HS3ST4: variants seen among roughly 807,000 people sequenced by gnomAD.
The protein encoded by HS3ST4 is heparan sulfate glucosamine 3-O-sulfotransferase 4.
HS3ST4 carries 17 observed loss-of-function variants against 29.2 expected under a neutral mutation model. That is an observed-to-expected ratio of 0.58 (90% CI 0.40 to 0.87). HS3ST4 has a LOEUF of 0.87. Ranked by LOEUF, HS3ST4 falls within the 40% of genes least tolerant of loss-of-function variation. The pLI, the probability that HS3ST4 is intolerant of heterozygous loss-of-function variation, is 0.00. For missense variants in HS3ST4, 627 were observed against 634.5 expected, an observed-to-expected ratio of 0.99 and a Z score of 0.13; for synonymous variants, 314 against 285.7, an observed-to-expected ratio of 1.10 and a Z score of -1.00.
intron 1 of HS3ST4, among the ~76,000 whole-genome samples, chr16:25,949,895 A>G (rs374252363): frequency 6.6e-6 from 1 of 152,148 alleles, no homozygotes; most frequent in South Asian, 2.1e-4. Flanking sequence ...CTACTAAAAA[A>G]TGGGTCCCAG....
chr16:25,783,750 C>T (rs981645059), intron 1 of HS3ST4, among the ~76,000 whole-genome samples: 3 of 152,272 alleles, frequency 2.0e-5, no homozygotes, highest in Non-Finnish European at 2.9e-5. Flanking sequence ...GGCACAGTCA[C>T]GATGCAACCA....
At chr16:26,133,699 A>C (rs1437335267) in intron 1 of HS3ST4, among the ~76,000 whole-genome samples, 1 of 152,250 alleles carries the variant, frequency 6.6e-6, no homozygotes, top group African/African-American at 2.4e-5. Context: ...TTATTGACAG[A>C]GCATGTGAAT....
At chr16:25,788,422 A>AG (rs1159791691) in intron 1 of HS3ST4, among the ~76,000 whole-genome samples, 1 of 151,618 alleles carries the variant, frequency 6.6e-6, no homozygotes, top group Non-Finnish European at 1.5e-5. Flanking sequence ...TCTCAAAAAA[A>AG]AAAAAATGCC....
intron 1 of HS3ST4, among the ~76,000 whole-genome samples, chr16:25,960,738 G>C (rs1049523338): frequency 6.6e-6 from 1 of 152,222 alleles, no homozygotes; most frequent in Non-Finnish European, 1.5e-5. Flanking sequence ...TTAGCAAAAT[G>C]TAGAGTTTCT....
chr16:26,050,025 G>A (rs1898320874), intron 1 of HS3ST4, among the ~76,000 whole-genome samples: 2 of 152,112 alleles, frequency 1.3e-5, no homozygotes, highest in Non-Finnish European at 2.9e-5. Context: ...TTTAAAAGAG[G>A]CTGTATTATG....
In HS3ST4 at chr16:25,692,780, C is replaced by T; in HGVS notation, c.363C>T (p.Pro121=). The change falls in exon 1 of 2, where the codon CCC becomes CCT. Residue 121 remains proline (P), a synonymous_variant. Transcript: ENST00000331351. The stretch of plus-strand genomic sequence containing the variant: ...AGCCCCCAGAGCAGCCAGCCGCCCC[C>T]GGGACCGACGGCTGGGGGCTGCCGA... ...PPEPPEQPAA[P]GTDGWGLPSG... is the part of the protein sequence containing the mutation. 1 of 1,363,544 alleles carries T rather than the reference C, an allele frequency of 7.3e-7. No individual in the cohort carries two copies. The highest frequency in any genetic ancestry group is 9.4e-7 in the Non-Finnish European group (1 of 1,068,544). The allele number at this position is 1,363,544 out of a possible 1,614,324, so 84.5% of individuals were successfully genotyped here.
chr16:25,880,306 C>T (rs1023731518), intron 1 of HS3ST4, among the ~76,000 whole-genome samples: 1 of 152,060 alleles, frequency 6.6e-6, no homozygotes, highest in Non-Finnish European at 1.5e-5. Flanking sequence ...CATTTAGTGT[C>T]CCTCCCAGAG....
At chr16:26,016,687 G>C (rs553826852) in intron 1 of HS3ST4, among the ~76,000 whole-genome samples, 1 of 152,290 alleles carries the variant, frequency 6.6e-6, no homozygotes, top group Non-Finnish European at 1.5e-5. Flanking sequence ...GGAAGATATA[G>C]CAAGTCTCCT....
intron 1 of HS3ST4, among the ~76,000 whole-genome samples, chr16:25,893,754 A>G (rs954521427): frequency 6.6e-6 from 1 of 152,218 alleles, no homozygotes; most frequent in Non-Finnish European, 1.5e-5. Flanking sequence ...TGTGGGGTCC[A>G]CTTAACAAAC....
At chr16:25,799,454 T>G (rs1966910454) in intron 1 of HS3ST4, among the ~76,000 whole-genome samples, 1 of 152,236 alleles carries the variant, frequency 6.6e-6, no homozygotes. Flanking sequence ...AAACAAAATT[T>G]AAATTACCTT....
intron 1 of HS3ST4, among the ~76,000 whole-genome samples, chr16:25,929,137 A>G (rs1968439175): frequency 6.6e-6 from 1 of 152,172 alleles, no homozygotes; most frequent in South Asian, 2.1e-4. Context: ...TAATCCCAGC[A>G]GTTTGGGAGG....
chr16:26,081,668 A>G (rs557491091), intron 1 of HS3ST4, among the ~76,000 whole-genome samples: 2 of 152,226 alleles, frequency 1.3e-5, no homozygotes, highest in African/African-American at 4.8e-5. Flanking sequence ...CAGGTGAAGA[A>G]ATAAGAATGT....
At chr16:25,998,406 A>T (rs1480098143) in intron 1 of HS3ST4, among the ~76,000 whole-genome samples, 3 of 152,204 alleles carry the variant, frequency 2.0e-5, no homozygotes, top group East Asian at 3.8e-4. Flanking sequence ...GGATTGCTTC[A>T]CATTTTTGCT....
chr16:26,070,811 T>C (rs1386327910), intron 1 of HS3ST4, among the ~76,000 whole-genome samples: 1 of 152,214 alleles, frequency 6.6e-6, no homozygotes, highest in Non-Finnish European at 1.5e-5. Flanking sequence ...TGTTGGAACC[T>C]TGGTTGTTAT....
chr16:25,952,262 C>T (rs1968689783), intron 1 of HS3ST4, among the ~76,000 whole-genome samples: 1 of 152,146 alleles, frequency 6.6e-6, no homozygotes, highest in Admixed American at 6.5e-5. Context: ...ATGGGTCATT[C>T]AGTGTAAGTA....
At chr16:26,088,237 G>A (rs2141787484) in intron 1 of HS3ST4, among the ~76,000 whole-genome samples, 1 of 152,316 alleles carries the variant, frequency 6.6e-6, no homozygotes, top group African/African-American at 2.4e-5. Context: ...TCATCATTCA[G>A]ATCTCAGTTC....
chr16:25,981,609 CTTT>C (rs376892231), intron 1 of HS3ST4, among the ~76,000 whole-genome samples: 1 of 136,818 alleles, frequency 7.3e-6, no homozygotes, highest in African/African-American at 2.7e-5. Flanking sequence ...TGGTGGAGTT[CTTT>C]TTTTTTTTTT....
At chr16:25,838,325 TC>T (rs1318237287) in intron 1 of HS3ST4, among the ~76,000 whole-genome samples, 27 of 152,348 alleles carry the variant, frequency 1.8e-4, no homozygotes, top group African/African-American at 6.0e-4. Context: ...CTGACCCGAT[TC>T]ATTCTCTTTA....
chr16:25,725,597 CTAA>C (rs1350520134), intron 1 of HS3ST4, among the ~76,000 whole-genome samples: 11 of 151,728 alleles, frequency 7.2e-5, no homozygotes, highest in Non-Finnish European at 1.5e-4. Flanking sequence ...TGCACATATA[CTAA>C]TTTGCATATA....
Sources: allele counts gnomAD v4.1 joint callset (sites outside exome capture counted in the v4.1 genomes callset), GRCh38; gene constraint gnomAD v4.1.1; transcripts MANE v1.5; gene names NCBI Gene and HGNC (gene_info 2026-07-23, HGNC 2026-07-21).